DNAJC7: variants seen among roughly 807,000 people sequenced by gnomAD.
DNAJC7 encodes dnaJ homolog subfamily C member 7.
Under a neutral mutation model 67.4 loss-of-function variants are expected in DNAJC7, and 18 were observed. The observed-to-expected ratio is 0.27, with a 90% CI of 0.18 to 0.40. DNAJC7 has a LOEUF of 0.40. Ranked by LOEUF, DNAJC7 falls within the 10% of genes least tolerant of loss-of-function variation. The probability of loss-of-function intolerance (pLI) is 1.00; values close to 1 mark genes in which losing one functional copy is unlikely to be tolerated. For missense variants in DNAJC7, 419 were observed against 613.8 expected, an observed-to-expected ratio of 0.68 and a Z score of 3.35; for synonymous variants, 220 against 207.8, an observed-to-expected ratio of 1.06 and a Z score of -0.50.
At chr17:42,017,178 C>T in intron 1 of DNAJC7, 162 bp downstream of exon 1, 1 of 1,538,384 alleles carries the variant, frequency 6.5e-7, no homozygotes, top group Non-Finnish European at 8.7e-7. Context: ...CCCCCAAGAG[C>T]GCCCCTTCAG....
At chr17:41,978,116 A>T (rs2051140362) in intron 12 of DNAJC7, among the ~76,000 whole-genome samples, 1 of 152,212 alleles carries the variant, frequency 6.6e-6, no homozygotes, top group South Asian at 2.1e-4. Flanking sequence ...CTTGCCCACG[A>T]TCACATGGCA....
chr17:42,017,077 G>T (rs2052319995), intron 1 of DNAJC7: 1 of 1,393,156 alleles, frequency 7.2e-7, no homozygotes, highest in South Asian at 1.5e-5. Context: ...CGGAGACTCG[G>T]CCTCTCCTAT....
At chr17:42,007,594 G>A (rs961410784) in intron 1 of DNAJC7, among the ~76,000 whole-genome samples, 3 of 151,972 alleles carry the variant, frequency 2.0e-5, no homozygotes, top group Admixed American at 2.0e-4. Flanking sequence ...TGAGATCTCG[G>A]CTCACTGCAA....
Position 42,017,232 on chromosome 17 carries a change from A to T in DNAJC7, c.77+108T>A, listed in dbSNP as rs1299155691. 3 of 1,598,902 alleles carry T rather than the reference A, an allele frequency of 1.9e-6. No homozygotes were observed. The African/African-American group carries it at 4.0e-5, about 21-fold the overall frequency. On this transcript the variant is annotated intron_variant, in intron 1 of 13. Transcript: ENST00000457167. ...ATCTCAGATGGGGGGGTGTTTGCGG[A>T]GGGCGGGGCATCGCCTCAACAGCTG...
rs1555645106 is a variant in DNAJC7, at chr17:41,977,312, T to C, written c.1396A>G (p.Asn466Asp). The change falls in exon 13 of 14, where the codon AAC (asparagine) becomes GAC (aspartate). Residue 466 changes from asparagine to aspartate, a missense_variant. This residue lies in a region of DNAJC7 where 161 missense variants were observed against 252.2 expected (regional missense o/e 0.64). Transcript: ENST00000457167. ...EGMNMGDFDP[N>D]NIFKAFFGGP... The stretch of plus-strand genomic sequence containing the variant: ...CCAAAGAATGCCTTGAAGATATTGT[T>C]TGGATCAAAATCTGTAGAGCAGGGC... 1 of 1,581,612 alleles carries C rather than the reference T, an allele frequency of 6.3e-7. No homozygotes were observed. The highest frequency in any genetic ancestry group is 8.6e-7 in the Non-Finnish European group (1 of 1,163,662).
At chr17:41,979,018 C>A (rs2051169370) in intron 12 of DNAJC7, among the ~76,000 whole-genome samples, 1 of 152,200 alleles carries the variant, frequency 6.6e-6, no homozygotes, top group African/African-American at 2.4e-5. Flanking sequence ...GAGGACTCAG[C>A]ATTATCTATA....
Position 41,987,749 on chromosome 17 carries a change from T to TCATC in DNAJC7, c.1010+66_1010+69dup, listed in dbSNP as rs111266027. ...TCACAACATCTCTGGGTCTGCTTCG[T>TCATC]CATCCACAAGGCAATTCCCCTGAGG... On this transcript the variant is annotated intron_variant, in intron 9 of 13. Transcript: ENST00000457167. The TCATC allele has an allele frequency of 3.3e-4, 446 of 1,360,944 alleles. No individual in the cohort carries two copies. The African/African-American group carries it at 5.7e-3, about 18-fold the overall frequency. 84.3% of individuals were successfully genotyped at this position (1,360,944 alleles called of 1,614,324 possible). A position where few individuals can be genotyped will look rare whatever the true frequency, so the allele number is the denominator to read the frequency against.
intron 4 of DNAJC7, among the ~76,000 whole-genome samples, chr17:41,995,158 G>A: frequency 6.6e-6 from 1 of 152,124 alleles, no homozygotes; most frequent in East Asian, 1.9e-4. Context: ...AGGCTGCCAT[G>A]GCATTCCCTA....
At chr17:42,003,950 AT>A (rs10631965) in intron 1 of DNAJC7, among the ~76,000 whole-genome samples, 11 of 94,324 alleles carry the variant, frequency 1.2e-4, no homozygotes, top group East Asian at 6.9e-4. Context: ...AAGATTTTCA[AT>A]TTTTTTTTTT....
At chr17:42,016,502 C>A (rs1254478664) in intron 1 of DNAJC7, 1 of 152,218 alleles carries the variant, frequency 6.6e-6, no homozygotes, top group African/African-American at 2.4e-5. Context: ...ACAAGTATGA[C>A]TACCCACAAC....
chr17:42,014,757 C>CGGT (rs2052219499), intron 1 of DNAJC7: 1 of 151,852 alleles, frequency 6.6e-6, no homozygotes, highest in African/African-American at 2.4e-5. Context: ...TGGGGTTTCA[C>CGGT]CGTATTAGTC....
intron 1 of DNAJC7, 66 bp downstream of exon 1, chr17:42,017,274 A>G: frequency 1.2e-6 from 2 of 1,606,378 alleles, no homozygotes; most frequent in Admixed American, 1.7e-5. Context: ...GCATCATGGC[A>G]GGAACGAGTT....
intron 1 of DNAJC7, among the ~76,000 whole-genome samples, chr17:42,010,142 CAAAGAAAGAAAG>C (rs371872389): frequency 1.3e-5 from 2 of 150,422 alleles, no homozygotes; most frequent in Admixed American, 6.7e-5. Flanking sequence ...GACTCCATCA[CAAAGAAAGAAAG>C]AAAGAAAGAG....
At chr17:41,996,492 A>G (rs2051662233) in intron 3 of DNAJC7, 68 bp from the exon 4 acceptor site, 3 of 1,418,908 alleles carry the variant, frequency 2.1e-6, no homozygotes, top group African/African-American at 2.8e-5. Context: ...AACAGCAGCA[A>G]CAGACACCCA....
At chr17:41,993,806 G>C (rs1555648136) in intron 5 of DNAJC7, among the ~76,000 whole-genome samples, 1 of 151,988 alleles carries the variant, frequency 6.6e-6, no homozygotes, top group East Asian at 1.9e-4. Context: ...GGAGGCCAAG[G>C]CGGGCAGATC....
chr17:41,991,619 C>A (rs574066994), intron 5 of DNAJC7, among the ~76,000 whole-genome samples: 1 of 152,116 alleles, frequency 6.6e-6, no homozygotes, highest in African/African-American at 2.4e-5. Flanking sequence ...GAGAACTGGG[C>A]GGAGAGAGGA....
chr17:41,983,917 C>T (rs572994158), intron 9 of DNAJC7, among the ~76,000 whole-genome samples: 30 of 152,344 alleles, frequency 2.0e-4, no homozygotes, highest in African/African-American at 6.5e-4. Context: ...GACACACAGC[C>T]ACCTAAGAGG....
At chr17:42,000,423 A>G in intron 2 of DNAJC7, 59 bp downstream of exon 2, 1 of 1,381,556 alleles carries the variant, frequency 7.2e-7, no homozygotes, top group Non-Finnish European at 1.0e-6. Context: ...CTTGGCAGCT[A>G]CTTTTAATAA....
intron 1 of DNAJC7, chr17:42,016,224 C>G (rs1369465604): frequency 2.0e-5 from 3 of 152,176 alleles, no homozygotes; most frequent in African/African-American, 7.2e-5. Flanking sequence ...CTATTCATTG[C>G]GTCCGAGTAC....
Sources: gnomAD v4.1 joint callset for allele counts (sites outside exome capture counted in the v4.1 genomes callset) on GRCh38, gnomAD v4.1.1 for gene constraint, gnomAD v4.1.1 regional missense constraint, MANE v1.5 for transcripts, NCBI Gene and HGNC (gene_info 2026-07-23, HGNC 2026-07-21) for gene names.